The following FA2H variants were observed in gnomAD, a reference collection of about 807,000 sequenced individuals.
FA2H encodes the protein fatty acid 2-hydroxylase, also known as fatty acid alpha-hydroxylase.
Under a neutral mutation model 44.9 loss-of-function variants are expected in FA2H, and 22 were observed. That is an observed-to-expected ratio of 0.49 (90% confidence interval 0.35 to 0.70). FA2H has a LOEUF of 0.70. FA2H is among the 30% of genes least tolerant of loss of function. The probability of loss-of-function intolerance (pLI) is 0.01; values close to 1 mark genes in which losing one functional copy is unlikely to be tolerated. For synonymous variants in FA2H, 243 were observed against 213.2 expected (o/e 1.14, Z -1.22); for missense variants, 501 against 504.9 (o/e 0.99, Z 0.07).
chr16:74,772,166 C>T (rs758177255), intron 1 of FA2H, among the ~76,000 whole-genome samples: 8 of 152,154 alleles, frequency 5.3e-5, no homozygotes, highest in Non-Finnish European at 1.2e-4. Context: ...TGTCTTTGCC[C>T]ATCAGCCTCT....
chr16:74,771,204 T>G (rs934326356), intron 1 of FA2H, among the ~76,000 whole-genome samples: 1 of 151,960 alleles, frequency 6.6e-6, no homozygotes, highest in Non-Finnish European at 1.5e-5. Context: ...CCTTTTCTAT[T>G]TTTTTGTGAC....
intron 1 of FA2H, among the ~76,000 whole-genome samples, chr16:74,761,492 C>T (rs60170452): frequency 0.45 from 68,125 of 150,856 alleles, 16,282 homozygotes; most frequent in African/African-American, 0.55. Flanking sequence ...GAAAGAAAAA[C>T]GTAGATCACT....
At chr16:74,720,184 T>C (rs1961804317) in intron 4 of FA2H, among the ~76,000 whole-genome samples, 1 of 95,390 alleles carries the variant, frequency 1.0e-5, no homozygotes, top group Non-Finnish European at 2.1e-5. Flanking sequence ...CTCATCCTTT[T>C]TTTTTTTTTT....
At chr16:74,744,051 C>T (rs1292032370) in intron 1 of FA2H, among the ~76,000 whole-genome samples, 2 of 152,216 alleles carry the variant, frequency 1.3e-5, no homozygotes, top group African/African-American at 2.4e-5. Flanking sequence ...GTCTCCCATT[C>T]CCACCTGGGG....
intron 1 of FA2H, among the ~76,000 whole-genome samples, chr16:74,765,043 C>G (rs1194651143): frequency 1.3e-5 from 2 of 152,134 alleles, no homozygotes; most frequent in Admixed American, 6.5e-5. Flanking sequence ...CTAACTCTCT[C>G]CGGCTGCAAA....
At chr16:74,765,266 C>T (rs955051469) in intron 1 of FA2H, among the ~76,000 whole-genome samples, 1 of 152,000 alleles carries the variant, frequency 6.6e-6, no homozygotes, top group Non-Finnish European at 1.5e-5. Context: ...AAGCGACTCT[C>T]CTGCCTCAGC....
chr16:74,716,585 G>A lies in FA2H; in HGVS notation c.801C>T (p.Gly267=), dbSNP rs1597538391. 1 of 1,568,874 alleles carries A rather than the reference G, an allele frequency of 6.4e-7. No individual in the cohort carries two copies. The highest frequency in any genetic ancestry group is 2.4e-5 in the East Asian group (1 of 42,340). ...GCACAGGGGGGAAGACCAGGCGGGA[G>A]CCGTCGAAGGGTGCCTGCAGATGGA... The part of the protein sequence containing the change: ...HGQHHKAPFD[G]SRLVFPPVPA... The change falls in exon 6 of 7, where the codon GGC becomes GGT. Residue 267 remains glycine, a synonymous_variant. Coordinates refer to ENST00000219368, the MANE Select transcript of FA2H (RefSeq NM_024306.5).
intron 2 of FA2H, among the ~76,000 whole-genome samples, chr16:74,730,278 G>A (rs1962047769): frequency 6.6e-6 from 1 of 152,080 alleles, no homozygotes; most frequent in African/African-American, 2.4e-5. Context: ...AACTTGGCAG[G>A]TCCCAGGTAC....
At chr16:74,743,498 T>C (rs72792759) in intron 1 of FA2H, among the ~76,000 whole-genome samples, 3,980 of 152,306 alleles carry the variant, frequency 0.026, 75 homozygotes, top group Non-Finnish European at 0.036. Flanking sequence ...CAGTGGGTCA[T>C]GCCTCGAGCG....
intron 2 of FA2H, among the ~76,000 whole-genome samples, chr16:74,733,984 C>T (rs1167395013): frequency 6.6e-6 from 1 of 152,190 alleles, no homozygotes; most frequent in Non-Finnish European, 1.5e-5. Flanking sequence ...CCCCCTTCTA[C>T]CTGGGCACCA....
chr16:74,759,048 G>A (rs1344908893), intron 1 of FA2H, among the ~76,000 whole-genome samples: 1 of 152,194 alleles, frequency 6.6e-6, no homozygotes, highest in African/African-American at 2.4e-5. Flanking sequence ...CCACTCTGTT[G>A]CACCTGGCAG....
intron 1 of FA2H, among the ~76,000 whole-genome samples, chr16:74,753,168 G>A (rs201560250): frequency 6.6e-6 from 1 of 152,210 alleles, no homozygotes; most frequent in Non-Finnish European, 1.5e-5. Flanking sequence ...GAGGCAGGGC[G>A]TGAGGAACAC....
At chr16:74,748,255 G>A (rs1160777398) in intron 1 of FA2H, among the ~76,000 whole-genome samples, 1 of 152,206 alleles carries the variant, frequency 6.6e-6, no homozygotes, top group African/African-American at 2.4e-5. Context: ...TGAAGCAAAC[G>A]CCGCCCTCTT....
At chr16:74,763,708 T>TC (rs11369246) in intron 1 of FA2H, among the ~76,000 whole-genome samples, 65,899 of 151,990 alleles carry the variant, frequency 0.43, 15,099 homozygotes, top group Middle Eastern at 0.53. Context: ...AGAATTCTAC[T>TC]CCCCCTCTTA....
chr16:74,725,059 C>T (rs770265856), intron 4 of FA2H, among the ~76,000 whole-genome samples: 12 of 152,196 alleles, frequency 7.9e-5, no homozygotes, highest in Admixed American at 2.6e-4. Flanking sequence ...CAACAAGCTC[C>T]GTGCTGTGCC....
chr16:74,765,046 G>C (rs1962783477), intron 1 of FA2H, among the ~76,000 whole-genome samples: 1 of 152,178 alleles, frequency 6.6e-6, no homozygotes. Flanking sequence ...ACTCTCTCCG[G>C]CTGCAAAGAA....
intron 1 of FA2H, among the ~76,000 whole-genome samples, chr16:74,756,813 C>A (rs1962620321): frequency 6.6e-6 from 1 of 151,768 alleles, no homozygotes; most frequent in Non-Finnish European, 1.5e-5. Flanking sequence ...AAAATATAAA[C>A]CTAAAATAAT....
chr16:74,738,600 T>A (rs1397306158), intron 2 of FA2H, among the ~76,000 whole-genome samples: 1 of 152,172 alleles, frequency 6.6e-6, no homozygotes, highest in Non-Finnish European at 1.5e-5. Context: ...ATTCAAGCCC[T>A]AAGCCAAGCT....
intron 1 of FA2H, among the ~76,000 whole-genome samples, chr16:74,754,862 G>T (rs1157122212): frequency 6.6e-6 from 1 of 152,054 alleles, no homozygotes. Flanking sequence ...AATGTAAGAT[G>T]AGGTCATGCT....
Sources: gnomAD v4.1 joint callset for allele counts (sites outside exome capture counted in the v4.1 genomes callset) on GRCh38, gnomAD v4.1.1 for gene constraint, MANE v1.5 for transcripts, NCBI Gene and HGNC (gene_info 2026-07-23, HGNC 2026-07-21) for gene names.